Variants in MCF2L2 observed in about 807,000 individuals in gnomAD.
MCF2L2 encodes MCF.2 cell line derived transforming sequence-like 2.
In MCF2L2, 102 loss-of-function variants were observed where a neutral mutation model predicts 150.2. That is an observed-to-expected ratio of 0.68 (90% CI 0.58 to 0.80). The LOEUF (loss-of-function observed/expected upper bound fraction) is 0.80, where lower values mean the gene tolerates loss of function less well. Among genes scored for constraint, MCF2L2 ranks in the 30% least tolerant of loss-of-function variants. MCF2L2 has a pLI of 0.00. For synonymous variants in MCF2L2, 465 were observed against 491.3 expected, an observed-to-expected ratio of 0.95 and a Z score of 0.71; for missense variants, 1,256 against 1,372.8, an observed-to-expected ratio of 0.91 and a Z score of 1.34.
intron 3 of MCF2L2, among the ~76,000 whole-genome samples, chr3:183,371,465 C>G (rs1577100254): frequency 7.9e-6 from 1 of 126,050 alleles, no homozygotes. Context: ...TCTGAGAAGC[C>G]TTTTTTTTTT....
chr3:183,308,588 G>T (rs1028817424), intron 10 of MCF2L2, among the ~76,000 whole-genome samples: 2 of 152,092 alleles, frequency 1.3e-5, no homozygotes, highest in African/African-American at 4.8e-5. Flanking sequence ...TACACAGCTG[G>T]GTTTGTGTGT....
chr3:183,271,629 ATTTT>A (rs200010970), intron 15 of MCF2L2: 3 of 166,392 alleles, frequency 1.8e-5, no homozygotes, highest in Admixed American at 6.6e-5. Context: ...TTTTTAATGG[ATTTT>A]TTTTTAAGTA....
chr3:183,317,930 G>C, intron 7 of MCF2L2, 138 bp downstream of exon 7: 1 of 1,070,930 alleles, frequency 9.3e-7, no homozygotes, highest in South Asian at 1.6e-5. Flanking sequence ...GAAGGTTTAA[G>C]ATGATCAGTG....
At chr3:183,336,015 C>T (rs927129695) in intron 5 of MCF2L2, among the ~76,000 whole-genome samples, 3 of 152,168 alleles carry the variant, frequency 2.0e-5, no homozygotes, top group Non-Finnish European at 2.9e-5. Flanking sequence ...GGGTCCCTCA[C>T]CAGACACCAA....
intron 3 of MCF2L2, among the ~76,000 whole-genome samples, chr3:183,361,028 A>G (rs972001301): frequency 2.8e-5 from 4 of 143,366 alleles, no homozygotes; most frequent in Non-Finnish European, 4.5e-5. Context: ...GAAAAGAGAA[A>G]AGAAAAGGAA....
Position 183,270,457 on chromosome 3 carries a change from T to C in MCF2L2, c.1862+6415A>G. The C allele has an allele frequency of 1.2e-6, 2 of 1,614,218 alleles. No homozygotes were observed. Among genetic ancestry groups the C allele is most frequent in the Non-Finnish European group, 1.7e-6 (2 of 1,180,044 alleles). On this transcript the variant is annotated intron_variant, in intron 15 of 29. Transcript: ENST00000328913. The surrounding 1 kb of genome is among the most constrained non-coding windows in gnomAD (Gnocchi z 4.5). Reference sequence around the variant, plus strand: ...CAAATTGGTGTTCAAGACTTTTGGATTGGTCGTGTTCATCGTGGTGCCCCT... The same window carrying C: ...CAAATTGGTGTTCAAGACTTTTGGACTGGTCGTGTTCATCGTGGTGCCCCT...
chr3:183,264,919 T>C (rs1725952863), intron 15 of MCF2L2, among the ~76,000 whole-genome samples: 2 of 152,224 alleles, frequency 1.3e-5, no homozygotes, highest in African/African-American at 2.4e-5. Context: ...TTCCTACTTC[T>C]ATTCTTTATT....
intron 1 of MCF2L2, among the ~76,000 whole-genome samples, chr3:183,392,154 A>G (rs1714191682): frequency 6.6e-6 from 1 of 152,224 alleles, no homozygotes; most frequent in Non-Finnish European, 1.5e-5. Flanking sequence ...GCTTTAAATT[A>G]AACATTTTAA....
At chr3:183,218,182 G>A (rs1227558823) in intron 21 of MCF2L2, among the ~76,000 whole-genome samples, 2 of 152,202 alleles carry the variant, frequency 1.3e-5, no homozygotes, top group Non-Finnish European at 1.5e-5. Context: ...TTGGATGAGA[G>A]ACATGAGTGA....
At chr3:183,321,381 T>G (rs1214250640) in intron 6 of MCF2L2, among the ~76,000 whole-genome samples, 1 of 147,446 alleles carries the variant, frequency 6.8e-6, no homozygotes, top group Non-Finnish European at 1.5e-5. Context: ...GAGGTTTCAG[T>G]GAGCTGAGAT....
chr3:183,186,119 G>A (rs564516453), intron 27 of MCF2L2, among the ~76,000 whole-genome samples: 1 of 152,288 alleles, frequency 6.6e-6, no homozygotes, highest in Non-Finnish European at 1.5e-5. Context: ...TGAGTGGCAG[G>A]AGGGAAGGGC....
At chr3:183,395,079 T>G (rs1714360494) in intron 1 of MCF2L2, among the ~76,000 whole-genome samples, 1 of 152,246 alleles carries the variant, frequency 6.6e-6, no homozygotes, top group Non-Finnish European at 1.5e-5. Flanking sequence ...CAGCTCATTC[T>G]GACCTCCAAA....
intron 15 of MCF2L2, among the ~76,000 whole-genome samples, chr3:183,258,801 A>G (rs533078473): frequency 1.2e-4 from 19 of 152,254 alleles, no homozygotes; most frequent in African/African-American, 4.3e-4. Flanking sequence ...GTGCAGAGGC[A>G]TGTAGCCTTG....
intron 1 of MCF2L2, among the ~76,000 whole-genome samples, chr3:183,413,507 C>G (rs1006665332): frequency 6.6e-6 from 1 of 152,198 alleles, no homozygotes; most frequent in South Asian, 2.1e-4. Flanking sequence ...ACTTCACTGA[C>G]CCCTCCAGTA....
At chr3:183,258,891 A>G (rs999123354) in intron 15 of MCF2L2, among the ~76,000 whole-genome samples, 1 of 152,182 alleles carries the variant, frequency 6.6e-6, no homozygotes, top group Non-Finnish European at 1.5e-5. Context: ...CACCTGGCCC[A>G]TGTACTTTAA....
Position 183,284,735 on chromosome 3 carries a change from G to A in MCF2L2, c.1776+4385C>T, listed in dbSNP as rs188918856. On this transcript the variant is annotated intron_variant, in intron 14 of 29. Transcript: ENST00000328913. ...AAAAAAAATTTAGATTCCAGGACCC[G>A]ACCCTACACCTCCCTAATTAGAATC... Among the ~76,000 whole-genome samples the A allele has an allele frequency of 1.2e-3, 182 of 151,382 alleles. 1 individual carries two copies. The highest frequency in any genetic ancestry group is 3.9e-3 in the African/African-American group (159 of 41,224).
chr3:183,246,772 T>C (rs939806820), intron 15 of MCF2L2, among the ~76,000 whole-genome samples: 2 of 152,194 alleles, frequency 1.3e-5, no homozygotes, highest in African/African-American at 2.4e-5. Flanking sequence ...TACCACCCGC[T>C]ACAGCAGCCG....
intron 15 of MCF2L2, chr3:183,276,635 T>A (rs532510002): frequency 4.7e-6 from 2 of 426,092 alleles, no homozygotes; most frequent in African/African-American, 4.1e-5. Flanking sequence ...CCCAATTTTT[T>A]AAAACACTGT....
At chr3:183,394,969 T>C (rs1714356275) in intron 1 of MCF2L2, among the ~76,000 whole-genome samples, 1 of 152,218 alleles carries the variant, frequency 6.6e-6, no homozygotes, top group Non-Finnish European at 1.5e-5. Context: ...CAGTACTTTA[T>C]ATATGCAACC....
Sources: allele counts gnomAD v4.1 joint callset (sites outside exome capture counted in the v4.1 genomes callset), GRCh38; gene constraint gnomAD v4.1.1; non-coding constraint Gnocchi (gnomAD v3.1); transcripts MANE v1.5; gene names NCBI Gene and HGNC (gene_info 2026-07-23, HGNC 2026-07-21).